MEP1A: variants seen among roughly 807,000 people sequenced by gnomAD.
MEP1A encodes the protein N-benzoyl-L-tyrosyl-P-amino-benzoic acid hydrolase subunit alpha.
MEP1A carries 68 observed loss-of-function variants against 84.5 expected under a neutral mutation model. The observed-to-expected ratio is 0.80, with a 90% CI of 0.66 to 0.98. The LOEUF is 0.98. Among genes scored for constraint, MEP1A ranks in the 50% least tolerant of loss-of-function variants. The pLI is 0.00. For missense variants in MEP1A, 887 were observed against 919.9 expected, an observed-to-expected ratio of 0.96 and a Z score of 0.46; for synonymous variants, 337 against 336.8, an observed-to-expected ratio of 1.00 and a Z score of -0.01.
In MEP1A at chr6:46,834,590, C is replaced by T. The variant is rs773065143; in HGVS notation, c.1622C>T (p.Thr541Ile). Reference protein sequence around the residue: ...KSHTSPAINDTVIWDRPSRVG... With the variant: ...KSHTSPAINDIVIWDRPSRVG... ...TACAACTTTGCAGCGATAAATGACA[C>T]TGTCATCTGGGACAGGCCGTCCAGG... Residue 541 changes from threonine to isoleucine, a missense_variant, in exon 12 of 14, where the codon ACT becomes ATT. Physicochemically the swap from Thr to Ile is moderately conservative, Grantham distance 89. Coordinates refer to ENST00000230588, the MANE Select transcript of MEP1A (RefSeq NM_005588.3). 6.2e-7 allele frequency: 1 copy of T among 1,605,964 alleles called. No individual in the cohort carries two copies. The highest frequency in any genetic ancestry group is 1.3e-5 in the African/African-American group (1 of 74,646).
At chr6:46,813,412 C>T (rs934716384) in intron 6 of MEP1A, among the ~76,000 whole-genome samples, 2 of 152,026 alleles carry the variant, frequency 1.3e-5, no homozygotes, top group Non-Finnish European at 2.9e-5. Context: ...AGTTCCACAG[C>T]ATTAAATGCC....
Position 46,829,357 on chromosome 6 carries a change from T to C in MEP1A, c.930T>C (p.Gly310=). 1 of 1,612,936 alleles carries C rather than the reference T, an allele frequency of 6.2e-7. No individual in the cohort carries two copies. The part of the protein sequence containing the change: ...VDHTLLGQCT[G]AGYFMQFSTS... ...GATGTTTGGCTGCTCTTTCCATAGG[T>C]GCCGGCTACTTCATGCAGTTCAGCA... is the stretch of plus-strand genomic sequence containing the variant. The change falls in exon 10 of 14, where the codon GGT becomes GGC. Residue 310 remains glycine (G), a splice_region_variant and synonymous_variant. Coordinates refer to ENST00000230588, the MANE Select transcript of MEP1A (RefSeq NM_005588.3).
chr6:46,802,226 C>T (rs1336791055), intron 5 of MEP1A, among the ~76,000 whole-genome samples: 1 of 151,806 alleles, frequency 6.6e-6, no homozygotes, highest in Non-Finnish European at 1.5e-5. Context: ...GTACATCAGT[C>T]CATTTATTTC....
rs62619974 is a variant in MEP1A, at chr6:46,833,116, A to G, written c.1187A>G (p.Lys396Arg). The change falls in exon 11 of 14, where the codon AAA (lysine) becomes AGA (arginine). Residue 396 changes from lysine to arginine, a missense_variant. By Grantham distance (26) the Lys-to-Arg change is conservative. Coordinates refer to ENST00000230588, the MANE Select transcript of MEP1A (RefSeq NM_005588.3). ...HNWKIAHVVL[K>R]EEQKFRYLFQ... ...TGGAAAATTGCCCATGTGGTGCTCA[A>G]AGAGGAACAGAAGTTTCGCTACCTT... The G allele has an allele frequency of 1.6e-3, 2,457 of 1,542,090 alleles. 44 individuals carry two copies. In the African/African-American group the frequency reaches 0.03, roughly 19 times the overall value.
At chr6:46,816,129 GGT>G (rs1767628631) in intron 6 of MEP1A, among the ~76,000 whole-genome samples, 1 of 151,856 alleles carries the variant, frequency 6.6e-6, no homozygotes. Context: ...TAGAGATGGG[GGT>G]TTCACCATGT....
In MEP1A at chr6:46,794,072, G is replaced by A. The variant is rs559609018; in HGVS notation, c.145+356G>A. On this transcript the variant is annotated intron_variant, in intron 3 of 13. Transcript: ENST00000230588. Reference sequence around the variant, plus strand: ...AATAAGCCTCTGGTTATATTTAGTGGGGAAACAAAACCCAACCCCTCCACT... The same window carrying A: ...AATAAGCCTCTGGTTATATTTAGTGAGGAAACAAAACCCAACCCCTCCACT... Among the ~76,000 whole-genome samples the A allele has an allele frequency of 2.6e-5, 4 of 152,216 alleles. No individual in the cohort carries two copies. The East Asian group carries it at 5.8e-4, about 22-fold the overall frequency.
rs144801600 is a variant in MEP1A, at chr6:46,814,556, G to T, written c.381-4973G>T. 3.4e-4 allele frequency among the ~76,000 whole-genome samples: 52 copies of T among 152,212 alleles called. No individual in the cohort carries two copies. In the East Asian group the frequency reaches 9.5e-3, roughly 28 times the overall value. On this transcript the variant is annotated intron_variant, in intron 6 of 13. Transcript: ENST00000230588. Reference sequence around the variant, plus strand: ...AAAATTCTTTTTCTGGCAATTCAGAGATTTTGTCTTCATTTGGCTCCATTG... The same window carrying T: ...AAAATTCTTTTTCTGGCAATTCAGATATTTTGTCTTCATTTGGCTCCATTG...
At chr6:46,837,425 C>G (rs1424424181) in intron 13 of MEP1A, among the ~76,000 whole-genome samples, 1 of 152,192 alleles carries the variant, frequency 6.6e-6, no homozygotes, top group Admixed American at 6.5e-5. Flanking sequence ...CCATAACATG[C>G]TCTAGGCTCA....
chr6:46,818,692 G>T (rs965326858), intron 6 of MEP1A, among the ~76,000 whole-genome samples: 13 of 152,118 alleles, frequency 8.5e-5, no homozygotes, highest in African/African-American at 2.9e-4. Context: ...AATAAGTTAG[G>T]CAGCCTTCTC....
chr6:46,841,171 T>A (rs1468415186), downstream of MEP1A, among the ~76,000 whole-genome samples: 1 of 152,206 alleles, frequency 6.6e-6, no homozygotes, highest in Admixed American at 6.5e-5. Context: ...CATCTAGTAC[T>A]CCAAATTAAA....
intron 6 of MEP1A, among the ~76,000 whole-genome samples, chr6:46,818,806 C>T (rs192527268): frequency 6.6e-6 from 1 of 152,090 alleles, no homozygotes; most frequent in African/African-American, 2.4e-5. Flanking sequence ...TATGCTTGTT[C>T]ATTATAGGAA....
the MEP1A span, among the ~76,000 whole-genome samples, chr6:46,845,175 G>A: frequency 4.6e-5 from 7 of 152,182 alleles, no homozygotes; most frequent in East Asian, 1.9e-4. Flanking sequence ...ATACAGTGAC[G>A]TAGTGTGATC....
chr6:46,809,816 A>G (rs961007333), intron 6 of MEP1A, among the ~76,000 whole-genome samples: 1 of 147,198 alleles, frequency 6.8e-6, no homozygotes, highest in Non-Finnish European at 1.5e-5. Context: ...GTGTGTGTAT[A>G]TATATATATA....
intron 12 of MEP1A, 85 bp from the exon 13 acceptor site, chr6:46,835,164 G>T: frequency 8.1e-7 from 1 of 1,236,124 alleles, no homozygotes; most frequent in Non-Finnish European, 1.1e-6. Flanking sequence ...ATAGAAGCAG[G>T]CTGGGGAACT....
At chr6:46,817,206 G>T (rs150447148) in intron 6 of MEP1A, among the ~76,000 whole-genome samples, 3 of 152,178 alleles carry the variant, frequency 2.0e-5, no homozygotes, top group African/African-American at 7.2e-5. Context: ...GGTTAGGAAA[G>T]GAGAGGAGTC....
At chr6:46,801,947 A>G (rs1030744239) in intron 5 of MEP1A, among the ~76,000 whole-genome samples, 2 of 151,852 alleles carry the variant, frequency 1.3e-5, no homozygotes, top group African/African-American at 4.8e-5. Flanking sequence ...CTGTTTTCCT[A>G]TCTTATTCTA....
At chr6:46,840,352 C>T (rs1175957343), downstream of MEP1A, among the ~76,000 whole-genome samples, 1 of 152,198 alleles carries the variant, frequency 6.6e-6, no homozygotes, top group African/African-American at 2.4e-5. Flanking sequence ...CAAGGCCCTA[C>T]ACCCAGAGTT....
intron 7 of MEP1A, among the ~76,000 whole-genome samples, chr6:46,824,831 AATATATATAAATTATAT>A (rs1471483930): frequency 0.07 from 4,961 of 71,332 alleles, 405 homozygotes; most frequent in Non-Finnish European, 0.092. Flanking sequence ...GATGTATTTA[AATATATATAAATTATAT>A]ATATAAATTA....
In MEP1A at chr6:46,835,566, G is replaced by A; in HGVS notation, c.2084+17G>A. 6.2e-7 allele frequency: 1 copy of A among 1,612,198 alleles called. No individual in the cohort carries two copies. The highest frequency in any genetic ancestry group is 8.5e-7 in the Non-Finnish European group (1 of 1,179,260). The stretch of plus-strand genomic sequence containing the variant: ...GAGCTGCAGGTAGGCTCTGTGGCTG[G>A]GGAGACAGGCAGGCCAGCAGACCTG... On this transcript the variant is annotated intron_variant, in intron 13 of 13. Coordinates refer to ENST00000230588, the MANE Select transcript of MEP1A (RefSeq NM_005588.3).
Sources: gnomAD v4.1 joint callset for allele counts (sites outside exome capture counted in the v4.1 genomes callset) on GRCh38, gnomAD v4.1.1 for gene constraint, MANE v1.5 for transcripts, NCBI Gene and HGNC (gene_info 2026-07-23, HGNC 2026-07-21) for gene names.